Variants in CBLB observed in about 807,000 individuals in gnomAD.
CBLB encodes E3 ubiquitin-protein ligase CBL-B.
In CBLB, 31 loss-of-function variants were observed where a neutral mutation model predicts 104.9. That is an observed-to-expected ratio of 0.30 (90% CI 0.22 to 0.40). CBLB has a LOEUF of 0.40. CBLB is among the 10% of genes least tolerant of loss of function. The probability of loss-of-function intolerance (pLI) is 1.00; values close to 1 mark genes in which losing one functional copy is unlikely to be tolerated. For synonymous variants in CBLB, 440 were observed against 422.6 expected (o/e 1.04, Z -0.51); for missense variants, 1,062 against 1,214.6 (o/e 0.87, Z 1.87).
At chr3:105,771,283 AATAT>A (rs948773838) in intron 4 of CBLB, among the ~76,000 whole-genome samples, 1 of 152,196 alleles carries the variant, frequency 6.6e-6, no homozygotes, top group African/African-American at 2.4e-5. Context: ...AAATTTTAAA[AATAT>A]ATATAATCAT....
At chr3:105,809,065 G>C (rs754838897) in intron 3 of CBLB, among the ~76,000 whole-genome samples, 1 of 152,122 alleles carries the variant, frequency 6.6e-6, no homozygotes, top group Non-Finnish European at 1.5e-5. Context: ...ACCCATCTGG[G>C]CAACAGTGAC....
At chr3:105,810,768 C>T (rs533710402) in intron 3 of CBLB, among the ~76,000 whole-genome samples, 7 of 152,162 alleles carry the variant, frequency 4.6e-5, no homozygotes, top group South Asian at 2.1e-4. Flanking sequence ...CAGACTCCAA[C>T]GCTGAATCAA....
At chr3:105,819,378 T>C (rs1401492085) in intron 3 of CBLB, among the ~76,000 whole-genome samples, 1 of 151,756 alleles carries the variant, frequency 6.6e-6, no homozygotes, top group Non-Finnish European at 1.5e-5. Context: ...TCTCAGCTAC[T>C]CAGGAGGCTG....
intron 10 of CBLB, among the ~76,000 whole-genome samples, chr3:105,712,075 T>G (rs1217819459): frequency 6.6e-6 from 1 of 152,100 alleles, no homozygotes; most frequent in Non-Finnish European, 1.5e-5. Flanking sequence ...ACTGAAATAT[T>G]AAACACTGTT....
chr3:105,821,942 T>C (rs1246650581), intron 3 of CBLB, among the ~76,000 whole-genome samples: 2 of 152,162 alleles, frequency 1.3e-5, no homozygotes, highest in Admixed American at 6.6e-5. Flanking sequence ...CTCAATGTTA[T>C]GATACTAAAC....
chr3:105,681,558 A>T lies in CBLB; in HGVS notation c.2349T>A (p.Pro783=), dbSNP rs764549170. The change falls in exon 16 of 19, where the codon CCT becomes CCA. Residue 783 remains proline (P), a synonymous_variant. Transcript: ENST00000394030. ...CATGCTTTGGATTGTCCCGAGTTGG[A>T]GGCCTGGCAGGTGGTAATGGCACGG... The part of the protein sequence containing the change: ...SDPVPLPPAR[P]PTRDNPKHGS... 6.2e-7 allele frequency: 1 copy of T among 1,614,060 alleles called. No individual in the cohort carries two copies. Among genetic ancestry groups the T allele is most frequent in the Non-Finnish European group, 8.5e-7 (1 of 1,179,916 alleles).
chr3:105,751,251 T>G (rs2076561390), intron 5 of CBLB, among the ~76,000 whole-genome samples: 1 of 152,222 alleles, frequency 6.6e-6, no homozygotes, highest in Non-Finnish European at 1.5e-5. Context: ...CAGCATCTGA[T>G]AACTCCAAAC....
At chr3:105,860,460 T>G (rs1328774637) in intron 2 of CBLB, among the ~76,000 whole-genome samples, 1 of 152,152 alleles carries the variant, frequency 6.6e-6, no homozygotes, top group African/African-American at 2.4e-5. Flanking sequence ...GCTTCACTCT[T>G]CATACTGTGA....
chr3:105,746,107 C>T, intron 5 of CBLB, 69 bp from the exon 6 acceptor site: 2 of 1,050,070 alleles, frequency 1.9e-6, no homozygotes, highest in Non-Finnish European at 1.4e-6. Flanking sequence ...ACATACTGAA[C>T]CATATTTAAT....
Position 105,739,493 on chromosome 3 carries a change from G to A in CBLB, c.983+1001C>T, listed in dbSNP as rs370014015. ...ATACAAGGAGAGGACAAAGGGAAAG[G>A]CATGTGAATAAAACAAATAAGAAGA... On this transcript the variant is annotated intron_variant, in intron 7 of 18. Coordinates refer to ENST00000394030, the MANE Select transcript of CBLB (RefSeq NM_170662.5). 8.5e-5 allele frequency among the ~76,000 whole-genome samples: 13 copies of A among 152,094 alleles called. No homozygotes were observed. The East Asian group carries it at 1.2e-3, about 14-fold the overall frequency.
At chr3:105,745,768 T>C (rs981087734) in intron 6 of CBLB, 149 bp downstream of exon 6, 2 of 681,428 alleles carry the variant, frequency 2.9e-6, no homozygotes, top group Non-Finnish European at 2.6e-6. Flanking sequence ...TAAAACATTA[T>C]GTTAAGAAGC....
intron 2 of CBLB, among the ~76,000 whole-genome samples, chr3:105,864,594 C>T (rs62258160): frequency 0.069 from 10,491 of 152,152 alleles, 529 homozygotes; most frequent in Admixed American, 0.15. Flanking sequence ...CTATTCTTTT[C>T]CTCAAAACAT....
chr3:105,822,623 A>T (rs766181431), intron 3 of CBLB, among the ~76,000 whole-genome samples: 8 of 152,138 alleles, frequency 5.3e-5, no homozygotes, highest in Non-Finnish European at 1.0e-4. Context: ...TGCATGGGAA[A>T]ATCTGCCTCC....
chr3:105,732,454 T>C (rs1020826184), intron 9 of CBLB, among the ~76,000 whole-genome samples: 2 of 151,920 alleles, frequency 1.3e-5, no homozygotes, highest in Non-Finnish European at 2.9e-5. Context: ...GGAGAGGATA[T>C]AAAGAAAAAC....
At chr3:105,692,693 G>A (rs1174588209) in intron 13 of CBLB, among the ~76,000 whole-genome samples, 10 of 152,050 alleles carry the variant, frequency 6.6e-5, no homozygotes, top group African/African-American at 2.4e-4. Flanking sequence ...GGGAAACAAT[G>A]CTAGTTTTTG....
chr3:105,731,107 G>A (rs926953495), intron 9 of CBLB, among the ~76,000 whole-genome samples: 1 of 152,126 alleles, frequency 6.6e-6, no homozygotes, highest in South Asian at 2.1e-4. Flanking sequence ...CAAGCAAGAG[G>A]AACTACACCA....
Position 105,853,752 on chromosome 3 carries a change from A to T in CBLB, c.169-88T>A, listed in dbSNP as rs549310878. 2.0e-5 allele frequency: 17 copies of T among 869,672 alleles called. No individual in the cohort carries two copies. In the East Asian group the frequency reaches 4.6e-4, roughly 23 times the overall value. 53.9% of individuals were successfully genotyped at this position (869,672 alleles called of 1,614,324 possible). On this transcript the variant is annotated intron_variant, in intron 2 of 18. Transcript: ENST00000394030. ...TTAGAGAACCATGTCCTATTTCTTCATTTTTCCATAATATAAATAATGATC... is the reference window on the plus strand; with the variant it reads ...TTAGAGAACCATGTCCTATTTCTTCTTTTTTCCATAATATAAATAATGATC...
chr3:105,851,018 T>C (rs1163789301), intron 3 of CBLB, among the ~76,000 whole-genome samples: 1 of 152,154 alleles, frequency 6.6e-6, no homozygotes, highest in Non-Finnish European at 1.5e-5. Flanking sequence ...AATCTAGCAA[T>C]CTTGCTAGGT....
intron 2 of CBLB, among the ~76,000 whole-genome samples, chr3:105,854,787 C>G (rs867216240): frequency 1.3e-5 from 2 of 152,022 alleles, no homozygotes; most frequent in Non-Finnish European, 2.9e-5. Flanking sequence ...TGCCTGCCAC[C>G]GCACCTGGCT....
Sources: gnomAD v4.1 joint callset for allele counts (sites outside exome capture counted in the v4.1 genomes callset) on GRCh38, gnomAD v4.1.1 for gene constraint, MANE v1.5 for transcripts, NCBI Gene and HGNC (gene_info 2026-07-23, HGNC 2026-07-21) for gene names.